Variants in FAT2 observed in about 807,000 individuals in gnomAD.
FAT2 encodes the protein FAT atypical cadherin 2.
FAT2 carries 150 observed loss-of-function variants against 295.3 expected under a neutral mutation model. That is an observed-to-expected ratio of 0.51 (90% CI 0.44 to 0.58). The LOEUF (loss-of-function observed/expected upper bound fraction) is 0.58, where lower values mean the gene tolerates loss of function less well. FAT2 is among the 20% of genes least tolerant of loss of function. The pLI is 0.00. For synonymous variants in FAT2, 2,026 were observed against 2,150.3 expected (o/e 0.94, Z 1.60); for missense variants, 4,868 against 5,442.7 (o/e 0.89, Z 3.32).
intron 20 of FAT2, among the ~76,000 whole-genome samples, chr5:151,514,832 C>T (rs56729102): frequency 7.2e-5 from 11 of 152,326 alleles, no homozygotes; most frequent in African/African-American, 2.4e-4. Flanking sequence ...ATTCTACCTC[C>T]TCACCTCCTC....
In FAT2 at chr5:151,531,039, C is replaced by T. The variant is rs535647043; in HGVS notation, c.9811+548G>A. ...GACCTGGGTGGCCTCTGAGGCCCTT[C>T]GGTGAGTTTCTGTGAACCTGACTTT... On this transcript the variant is annotated intron_variant, in intron 14 of 23. Coordinates refer to ENST00000261800, the MANE Select transcript of FAT2 (RefSeq NM_001447.3). This position sits in a 1 kb window ranked among gnomAD's most constrained non-coding sequence, Gnocchi z 5.7. Among the ~76,000 whole-genome samples the T allele has an allele frequency of 5.9e-4, 90 of 152,226 alleles. No individual in the cohort carries two copies. The highest frequency in any genetic ancestry group is 2.0e-3 in the African/African-American group (85 of 41,530).
rs2127579352 is a variant in FAT2 at position 151,521,391 on chromosome 5, A to T, written c.11202T>A (p.Gly3734=). 6.2e-7 allele frequency: 1 copy of T among 1,614,116 alleles called. No individual in the cohort carries two copies. Among genetic ancestry groups the T allele is most frequent in the Non-Finnish European group, 8.5e-7 (1 of 1,180,018 alleles). The change falls in exon 19 of 24, where the codon GGT becomes GGA. Residue 3734 remains glycine, a synonymous_variant. Transcript: ENST00000261800. ...GATGCACTGTGTTATGGCAGATTTG[A>T]CCCTGGCAGGTTGGCCCCTGGCAGG... ...MVPCQGPTCQ[G]QICHNTVHLD... is the part of the protein sequence containing the mutation.
intron 11 of FAT2, among the ~76,000 whole-genome samples, chr5:151,538,747 G>A (rs1160800035): frequency 3.9e-5 from 6 of 152,182 alleles, no homozygotes; most frequent in Non-Finnish European, 8.8e-5. Context: ...GCACGATCTT[G>A]GCTCACTGCA....
intron 1 of FAT2, among the ~76,000 whole-genome samples, chr5:151,579,353 C>G (rs750686872): frequency 6.6e-6 from 1 of 152,120 alleles, no homozygotes; most frequent in Non-Finnish European, 1.5e-5. Context: ...AGGAGGATTG[C>G]TTGAAGCCAG....
At chr5:151,523,998 A>G (rs544599336) in intron 18 of FAT2, among the ~76,000 whole-genome samples, 26 of 152,206 alleles carry the variant, frequency 1.7e-4, no homozygotes, top group Admixed American at 8.5e-4. Context: ...CAATTTACAT[A>G]CAAAATATGT....
chr5:151,545,506 T>C lies in FAT2; in HGVS notation c.5621A>G (p.Glu1874Gly). 6.2e-7 allele frequency: 1 copy of C among 1,614,146 alleles called. No individual in the cohort carries two copies. The highest frequency in any genetic ancestry group is 1.1e-5 in the South Asian group (1 of 91,078). ...GACTATTGCTACCTCATATATCTGT[T>C]CTGAGAATCTGGGAGGGGAATCATT... The part of the protein sequence containing the change: ...DVNDSPPRFS[E>G]QIYEVAIVGP... The change falls in exon 10 of 24, where the codon GAA (glutamate) becomes GGA (glycine). Residue 1874 changes from glutamate (E) to glycine (G), a missense_variant. Around this residue, in one of 5 missense-constraint regions of FAT2, gnomAD observed 3,297 missense variants for 3,669.4 expected, o/e 0.90. Coordinates refer to ENST00000261800, the MANE Select transcript of FAT2 (RefSeq NM_001447.3).
chr5:151,539,750 C>A (rs1581382944), intron 11 of FAT2, among the ~76,000 whole-genome samples: 1 of 152,178 alleles, frequency 6.6e-6, no homozygotes, highest in Non-Finnish European at 1.5e-5. Flanking sequence ...TCCATGACAG[C>A]AATTGTTGGT....
At chr5:151,580,848 T>C (rs909738003) in intron 1 of FAT2, among the ~76,000 whole-genome samples, 1 of 152,202 alleles carries the variant, frequency 6.6e-6, no homozygotes, top group African/African-American at 2.4e-5. Context: ...CACTGACATG[T>C]TGGGGTGACC....
intron 22 of FAT2, among the ~76,000 whole-genome samples, chr5:151,508,069 C>T (rs1241340085): frequency 1.3e-5 from 2 of 152,182 alleles, no homozygotes; most frequent in African/African-American, 4.8e-5. Context: ...AGATCAGCCA[C>T]CTTACAATGG....
chr5:151,580,379 CACTT>C (rs1381162873), intron 1 of FAT2, among the ~76,000 whole-genome samples: 1 of 152,222 alleles, frequency 6.6e-6, no homozygotes, highest in Non-Finnish European at 1.5e-5. Flanking sequence ...GGGCTGGTAA[CACTT>C]ACCTTCCTGG....
At position 151,551,519 on chromosome 5, in the gene FAT2, T is replaced by G. The variant is rs112145340; in HGVS notation, c.4244A>C (p.Asn1415Thr). Reference sequence around the variant, plus strand: ...TGTCACCTCAACAGTCAAGTTATAGTTCGACCTTCTCCTGGTATCAAGAGG... The same window carrying G: ...TGTCACCTCAACAGTCAAGTTATAGGTCGACCTTCTCCTGGTATCAAGAGG... Reference protein sequence around the residue: ...ARPLDTRRRSNYNLTVEVTDG... With the variant: ...ARPLDTRRRSTYNLTVEVTDG... Residue 1415 changes from asparagine to threonine, a missense_variant, in exon 7 of 24, where the codon AAC becomes ACC. By Grantham distance (65) the Asn-to-Thr change is moderately conservative. This residue lies in a region of FAT2 where 3,297 missense variants were observed against 3,669.4 expected (regional missense o/e 0.90). Transcript: ENST00000261800. 7 of 1,614,228 alleles carry G rather than the reference T, an allele frequency of 4.3e-6. No individual in the cohort carries two copies. Among genetic ancestry groups the G allele is most frequent in the Non-Finnish European group, 5.9e-6 (7 of 1,180,040 alleles).
chr5:151,525,681 TCC>T, intron 18 of FAT2, 85 bp downstream of exon 18: 2 of 1,462,866 alleles, frequency 1.4e-6, no homozygotes, highest in Non-Finnish European at 9.5e-7. Context: ...GTACATTTTT[TCC>T]CTAATGACAG....
Position 151,545,986 on chromosome 5 carries a change from G to A in FAT2, c.5141C>T (p.Thr1714Ile). 6.2e-7 allele frequency: 1 copy of A among 1,614,100 alleles called. No homozygotes were observed. Among genetic ancestry groups the A allele is most frequent in the Non-Finnish European group, 8.5e-7 (1 of 1,180,020 alleles). ...SMNSYSGLIS[T>I]QKKLDHEKIS... ...TTTCTCATGGTCCAATTTCTTCTGG[G>A]TGGAAATAAGGCCAGAATATGAGTT... is the stretch of plus-strand genomic sequence containing the variant. The change falls in exon 10 of 24, where the codon ACC (threonine) becomes ATC (isoleucine). Residue 1714 changes from threonine to isoleucine, a missense_variant. Coordinates refer to ENST00000261800, the MANE Select transcript of FAT2 (RefSeq NM_001447.3).
At chr5:151,536,908 A>G (rs989003382) in intron 12 of FAT2, among the ~76,000 whole-genome samples, 2 of 152,128 alleles carry the variant, frequency 1.3e-5, no homozygotes, top group Non-Finnish European at 2.9e-5. Context: ...TCTGGGCACC[A>G]GTTTCTGGCC....
At chr5:151,561,643 G>A (rs1008525655) in intron 3 of FAT2, among the ~76,000 whole-genome samples, 25 of 152,132 alleles carry the variant, frequency 1.6e-4, no homozygotes, top group Admixed American at 6.5e-4. Context: ...CTCCTACCTC[G>A]GCCTCCCCAA....
chr5:151,558,195 T>C (rs899774165), intron 3 of FAT2, among the ~76,000 whole-genome samples: 3 of 152,208 alleles, frequency 2.0e-5, no homozygotes, highest in Non-Finnish European at 4.4e-5. Context: ...AAAAAGCCAA[T>C]AATTGGACAC....
In FAT2 at chr5:151,512,486, C is replaced by G; in HGVS notation, c.11584G>C (p.Ala3862Pro). The G allele has an allele frequency of 1.2e-6, 2 of 1,614,206 alleles. No homozygotes were observed. Among genetic ancestry groups the G allele is most frequent in the Non-Finnish European group, 1.7e-6 (2 of 1,180,050 alleles). Residue 3862 changes from alanine to proline, a missense_variant, in exon 21 of 24, where the codon GCT becomes CCT. Around this residue, in one of 5 missense-constraint regions of FAT2, gnomAD observed 1,046 missense variants for 1,210.1 expected, o/e 0.86. Transcript: ENST00000261800. This position sits in a 1 kb window ranked among gnomAD's most constrained non-coding sequence, Gnocchi z 4.1. ...CTGTCAACCATCAGGCGAATGGAAG[C>G]GTCCATCTCCTCCACCAGGATGGAG... ...WHSILVEEMD[A>P]SIRLMVDSMG...
At chr5:151,527,458 C>A (rs961031995) in intron 16 of FAT2, 81 bp from the exon 17 acceptor site, 2 of 1,363,890 alleles carry the variant, frequency 1.5e-6, no homozygotes, top group African/African-American at 1.5e-5. Flanking sequence ...CTAATATTTT[C>A]AAAAAAAATA....
At chr5:151,534,364 A>T in intron 13 of FAT2, 45 bp downstream of exon 13, 1 of 1,485,360 alleles carries the variant, frequency 6.7e-7, no homozygotes. Context: ...GCCCAAGGTG[A>T]CCCAGGAGAT....
Sources: allele counts gnomAD v4.1 joint callset (sites outside exome capture counted in the v4.1 genomes callset), GRCh38; gene constraint gnomAD v4.1.1; regional missense constraint gnomAD v4.1.1; non-coding constraint Gnocchi (gnomAD v3.1); transcripts MANE v1.5; gene names NCBI Gene and HGNC (gene_info 2026-07-23, HGNC 2026-07-21).